ENTPD5: variants seen among roughly 807,000 people sequenced by gnomAD.
ENTPD5 encodes nucleoside diphosphate phosphatase ENTPD5.
ENTPD5 carries 49 observed loss-of-function variants against 60.2 expected under a neutral mutation model. The observed-to-expected ratio is 0.81, with a 90% CI of 0.65 to 1.03. ENTPD5 has a LOEUF of 1.03. Among genes scored for constraint, ENTPD5 ranks in the 50% least tolerant of loss-of-function variants. The probability of loss-of-function intolerance (pLI) is 0.00; values close to 1 mark genes in which losing one functional copy is unlikely to be tolerated. For synonymous variants in ENTPD5, 187 were observed against 185.4 expected (o/e 1.01, Z -0.07); for missense variants, 480 against 507.6 (o/e 0.95, Z 0.52).
At position 73,964,255 on chromosome 14, in the gene ENTPD5, C is replaced by G. The variant is rs1809828767; in HGVS notation, c.*2673G>C. On this transcript the variant is annotated 3_prime_UTR_variant, in exon 16 of 16. Coordinates refer to ENST00000334696, the MANE Select transcript of ENTPD5 (RefSeq NM_001249.5). ...CATCTGTCACGTACCAGGCCATGTCCTAAGTATTTTAAATATGTTAACACA... is the reference window on the plus strand; with the variant it reads ...CATCTGTCACGTACCAGGCCATGTCGTAAGTATTTTAAATATGTTAACACA... 1 of 152,132 alleles carries G rather than the reference C, an allele frequency of 6.6e-6. No homozygotes were observed. The highest frequency in any genetic ancestry group is 1.5e-5 in the Non-Finnish European group (1 of 68,040). 9.4% of individuals were successfully genotyped at this position (152,132 alleles called of 1,614,324 possible). A position where few individuals can be genotyped will look rare whatever the true frequency, so the allele number is the denominator to read the frequency against.
chr14:73,955,748 G>A (rs900782544), downstream of ENTPD5: 4 of 1,612,820 alleles, frequency 2.5e-6, no homozygotes, highest in African/African-American at 5.3e-5. Flanking sequence ...TATTGTTTCT[G>A]ATTGGAGTGA....
chr14:73,957,183 G>A (rs531864138), downstream of ENTPD5, among the ~76,000 whole-genome samples: 2 of 151,354 alleles, frequency 1.3e-5, no homozygotes, highest in African/African-American at 4.8e-5. Context: ...CTGCAAGCTC[G>A]GCCTCCCAGG....
chr14:73,984,897 G>A (rs1482184719), intron 5 of ENTPD5, among the ~76,000 whole-genome samples: 2 of 151,926 alleles, frequency 1.3e-5, no homozygotes, highest in South Asian at 2.1e-4. Flanking sequence ...TTCCCTCCCT[G>A]CTCCCGCCAC....
At chr14:74,004,707 T>C (rs1324109781) in intron 3 of ENTPD5, among the ~76,000 whole-genome samples, 1 of 127,612 alleles carries the variant, frequency 7.8e-6, no homozygotes, top group Non-Finnish European at 1.8e-5. Flanking sequence ...CTTGAATGTC[T>C]TTATAACCCA....
chr14:74,015,480 T>G (rs755706141), intron 2 of ENTPD5, among the ~76,000 whole-genome samples: 2 of 151,058 alleles, frequency 1.3e-5, no homozygotes, highest in Non-Finnish European at 2.9e-5. Context: ...GCCTCCTGAG[T>G]AGCTGGAACT....
downstream of ENTPD5, chr14:73,959,368 A>G (rs2056598658): frequency 1.2e-6 from 2 of 1,614,022 alleles, no homozygotes; most frequent in African/African-American, 1.3e-5. Flanking sequence ...AGAGTTTCCA[A>G]GTGCAGCAGA....
chr14:73,983,174 T>C lies in ENTPD5; in HGVS notation c.298-13A>G, dbSNP rs1365449093. The C allele has an allele frequency of 6.2e-7, 1 of 1,604,470 alleles. No individual in the cohort carries two copies. The highest frequency in any genetic ancestry group is 8.5e-7 in the Non-Finnish European group (1 of 1,174,700). On this transcript the variant is annotated splice_polypyrimidine_tract_variant and intron_variant, in intron 5 of 15. Transcript: ENST00000334696. ...CGGTCTCAGCACCCTTCAAAAGAGA[T>C]AACCCGTTCATCTGATGAACGATCC... is the stretch of plus-strand genomic sequence containing the variant.
At position 73,988,676 on chromosome 14, in the gene ENTPD5, C is replaced by A. The variant is rs890149366; in HGVS notation, c.-70-504G>T. 2.6e-5 allele frequency among the ~76,000 whole-genome samples: 4 copies of A among 152,180 alleles called. No individual in the cohort carries two copies. The South Asian group carries it at 8.3e-4, about 31-fold the overall frequency. ...AAGTTCTCCTAATCTCTCCACACCC[C>A]ACTAGCCTTCCCAGCCCCTCTGGTA... On this transcript the variant is annotated intron_variant, in intron 3 of 15. Transcript: ENST00000334696.
chr14:73,994,683 A>G (rs2058273718), intron 3 of ENTPD5, among the ~76,000 whole-genome samples: 1 of 151,176 alleles, frequency 6.6e-6, no homozygotes, highest in East Asian at 2.0e-4. Context: ...CAATGAGATA[A>G]GATTGCACCA....
At chr14:74,004,694 C>T (rs2058617260) in intron 3 of ENTPD5, among the ~76,000 whole-genome samples, 1 of 151,660 alleles carries the variant, frequency 6.6e-6, no homozygotes, top group Non-Finnish European at 1.5e-5. Flanking sequence ...CTCCATAGGG[C>T]TGCTTGAATG....
intron 15 of ENTPD5, among the ~76,000 whole-genome samples, chr14:73,968,501 T>C (rs971548486): frequency 6.6e-6 from 1 of 151,616 alleles, no homozygotes; most frequent in African/African-American, 2.4e-5. Flanking sequence ...TCTCTCCTCA[T>C]TGGAACCTCT....
downstream of ENTPD5, chr14:73,961,723 C>G: frequency 6.2e-7 from 1 of 1,614,050 alleles, no homozygotes; most frequent in Non-Finnish European, 8.5e-7. Flanking sequence ...TTTAATCTTT[C>G]CTCTGCCCTT....
intron 3 of ENTPD5, chr14:73,996,465 C>G (rs1161752693): frequency 6.8e-6 from 1 of 146,178 alleles, no homozygotes; most frequent in African/African-American, 2.5e-5. Flanking sequence ...ATCCCTGACA[C>G]AGAATTTAGA....
chr14:73,972,895 G>A lies in ENTPD5; in HGVS notation c.1016C>T (p.Thr339Ile), dbSNP rs776501967. The change falls in exon 13 of 16, where the codon ACA becomes ATA. Residue 339 changes from threonine (T) to isoleucine (I), a missense_variant. Physicochemically the swap from Thr to Ile is moderately conservative, Grantham distance 89 (BLOSUM62 -1). Coordinates refer to ENST00000334696, the MANE Select transcript of ENTPD5 (RefSeq NM_001249.5). Reference protein sequence around the residue: ...FSYYYDRAVDTDMIDYEKGGI... With the variant: ...FSYYYDRAVDIDMIDYEKGGI... ...TGGGGTGAACTCACCAATCATGTCT[G>A]TGTCAACAGCTCGGTCATAATAGTA... 2.2e-5 allele frequency: 35 copies of A among 1,614,116 alleles called. No individual in the cohort carries two copies. In the South Asian group the frequency reaches 3.0e-4, roughly 14 times the overall value.
chr14:73,956,702 T>A (rs1248566253), downstream of ENTPD5: 1 of 152,206 alleles, frequency 6.6e-6, no homozygotes, highest in Non-Finnish European at 1.5e-5. Context: ...GTTTTTAAAT[T>A]GGATTATTTG....
At chr14:73,991,629 A>G (rs1486672148) in intron 3 of ENTPD5, among the ~76,000 whole-genome samples, 1 of 140,968 alleles carries the variant, frequency 7.1e-6, no homozygotes, top group Non-Finnish European at 1.6e-5. Flanking sequence ...AAAAAAAACA[A>G]TTAGGGCTTG....
chr14:73,959,358 A>T (rs1299478725), downstream of ENTPD5: 1 of 1,614,124 alleles, frequency 6.2e-7, no homozygotes, highest in South Asian at 1.1e-5. Flanking sequence ...TTTATGCTTG[A>T]GAGTTTCCAA....
At chr14:74,017,416 C>T (rs1375834230) in intron 1 of ENTPD5, among the ~76,000 whole-genome samples, 1 of 151,534 alleles carries the variant, frequency 6.6e-6, no homozygotes, top group African/African-American at 2.4e-5. Flanking sequence ...CCTGTCTCTA[C>T]TAAAAATACA....
chr14:73,969,626 C>T (rs1337261724), intron 15 of ENTPD5, among the ~76,000 whole-genome samples: 2 of 151,980 alleles, frequency 1.3e-5, no homozygotes, highest in Non-Finnish European at 2.9e-5. Context: ...ATCGCTTGAA[C>T]CCAGGAGGCG....
Sources: gnomAD v4.1 joint callset for allele counts (sites outside exome capture counted in the v4.1 genomes callset) on GRCh38, gnomAD v4.1.1 for gene constraint, MANE v1.5 for transcripts, NCBI Gene and HGNC (gene_info 2026-07-23, HGNC 2026-07-21) for gene names.